CAMTA1: variants seen among roughly 807,000 people sequenced by gnomAD.
The protein encoded by CAMTA1 is calmodulin binding transcription activator 1, also known as calmodulin-binding transcription activator 1.
A neutral mutation model predicts 170.9 loss-of-function variants in CAMTA1; 27 were observed. The ratio of observed to expected loss-of-function variants is 0.16; its 90% CI spans 0.12 to 0.22. CAMTA1 has a LOEUF of 0.22. Among genes scored for constraint, CAMTA1 ranks in the 10% least tolerant of loss-of-function variants. The pLI is 1.00. For synonymous variants in CAMTA1, 833 were observed against 891.5 expected (o/e 0.93, Z 1.17); for missense variants, 1,619 against 2,217.2 (o/e 0.73, Z 5.42).
intron 5 of CAMTA1, among the ~76,000 whole-genome samples, chr1:7,372,962 G>A (rs2086588855): frequency 6.6e-6 from 1 of 152,234 alleles, no homozygotes; most frequent in African/African-American, 2.4e-5. Context: ...TGCTTCCACA[G>A]TGCCTTTACT....
At chr1:7,480,557 A>G (rs948890076) in intron 6 of CAMTA1, among the ~76,000 whole-genome samples, 2 of 151,754 alleles carry the variant, frequency 1.3e-5, no homozygotes, top group African/African-American at 4.8e-5. Flanking sequence ...GCCTTGCTAT[A>G]CCAGAAGGTC....
Position 7,746,013 on chromosome 1 carries a change from G to C in CAMTA1, c.4539G>C (p.Gln1513His). The C allele has an allele frequency of 1.2e-6, 2 of 1,614,200 alleles. No individual in the cohort carries two copies. The highest frequency in any genetic ancestry group is 1.7e-6 in the Non-Finnish European group (2 of 1,180,042). Residue 1513 changes from glutamine (Q) to histidine (H), a missense_variant, in exon 18 of 23, where the codon CAG (glutamine) becomes CAC (histidine). Around this residue, in one of 8 missense-constraint regions of CAMTA1, gnomAD observed 128 missense variants for 213.5 expected, o/e 0.60. Transcript: ENST00000303635. ...AGAAGGTAGAGAATGAGTTTGCTCA[G>C]CTCACTCTGTCTGATCATGAACAGA... ...TSEKVENEFAQLTLSDHEQRE... is the reference protein window; with the variant it reads ...TSEKVENEFAHLTLSDHEQRE...
chr1:7,188,042 C>A (rs1350347195), intron 4 of CAMTA1, among the ~76,000 whole-genome samples: 2 of 152,210 alleles, frequency 1.3e-5, no homozygotes, highest in African/African-American at 4.8e-5. Flanking sequence ...GGGAAACAGG[C>A]ACCTTCTTCA....
rs1218537891 is a variant in CAMTA1, at chr1:7,671,045, A to G, written c.2779+8A>G. ...TGCGCTGCTACTGCCCAGGTGAGAA[A>G]GCCGCCCCCCAGGCCCCCAAGGTGA... On this transcript the variant is annotated splice_region_variant and intron_variant, in intron 10 of 22. Transcript: ENST00000303635. The G allele has an allele frequency of 6.2e-7, 1 of 1,612,976 alleles. No homozygotes were observed. The highest frequency in any genetic ancestry group is 1.7e-5 in the Admixed American group (1 of 59,980).
chr1:7,640,164 G>T (rs887567894), intron 6 of CAMTA1, among the ~76,000 whole-genome samples: 2 of 152,172 alleles, frequency 1.3e-5, no homozygotes, highest in Non-Finnish European at 2.9e-5. Context: ...CACAGCCGGA[G>T]GGGGAGGGGC....
intron 3 of CAMTA1, among the ~76,000 whole-genome samples, chr1:6,837,416 G>T (rs1036719394): frequency 6.6e-6 from 1 of 152,138 alleles, no homozygotes; most frequent in African/African-American, 2.4e-5. Context: ...TTTTTAGGTG[G>T]TGCTGCAAAG....
intron 6 of CAMTA1, among the ~76,000 whole-genome samples, chr1:7,516,246 C>T (rs1487641564): frequency 6.6e-6 from 1 of 152,252 alleles, no homozygotes; most frequent in Non-Finnish European, 1.5e-5. Flanking sequence ...GATGTGTCCA[C>T]AGCTAATTAT....
chr1:7,373,405 T>C (rs2086624841), intron 5 of CAMTA1, among the ~76,000 whole-genome samples: 1 of 152,220 alleles, frequency 6.6e-6, no homozygotes, highest in Non-Finnish European at 1.5e-5. Context: ...TGCGACTGAA[T>C]GAAGTGAGAC....
chr1:7,761,298 A>G (rs1336382947), intron 22 of CAMTA1, among the ~76,000 whole-genome samples: 1 of 152,228 alleles, frequency 6.6e-6, no homozygotes, highest in Non-Finnish European at 1.5e-5. Flanking sequence ...GTGGCCGCAC[A>G]GCTCTCCTGA....
chr1:6,911,241 G>A (rs1381909914), intron 3 of CAMTA1, among the ~76,000 whole-genome samples: 1 of 152,158 alleles, frequency 6.6e-6, no homozygotes, highest in Non-Finnish European at 1.5e-5. Flanking sequence ...TGGCAGGCTG[G>A]CTCTGTGAGG....
intron 4 of CAMTA1, among the ~76,000 whole-genome samples, chr1:7,175,879 G>A (rs191765394): frequency 1.3e-5 from 2 of 152,312 alleles, no homozygotes; most frequent in African/African-American, 2.4e-5. Context: ...CTTTCCTGCC[G>A]ATTTACACTG....
intron 4 of CAMTA1, among the ~76,000 whole-genome samples, chr1:7,176,131 T>G (rs1159279679): frequency 6.6e-6 from 1 of 152,254 alleles, no homozygotes; most frequent in African/African-American, 2.4e-5. Context: ...AGATACCTCT[T>G]GATTCATGTT....
intron 5 of CAMTA1, among the ~76,000 whole-genome samples, chr1:7,298,333 C>T (rs941106486): frequency 0.11 from 8 of 72 alleles, no homozygotes; most frequent in Non-Finnish European, 0.19. Context: ...CCCCCCACCC[C>T]GCAGGTCTTT....
At chr1:7,446,497 C>A (rs74053280) in intron 5 of CAMTA1, among the ~76,000 whole-genome samples, 22 of 152,196 alleles carry the variant, frequency 1.4e-4, no homozygotes, top group African/African-American at 5.1e-4. Context: ...GCTGAGAGAC[C>A]GGGAGGGGAA....
chr1:7,201,712 C>T (rs931268698), intron 4 of CAMTA1, among the ~76,000 whole-genome samples: 1 of 152,098 alleles, frequency 6.6e-6, no homozygotes, highest in Non-Finnish European at 1.5e-5. Context: ...TATTCAGAGG[C>T]TTTGCCTATT....
At chr1:6,786,218 C>T (rs1639287419) in intron 1 of CAMTA1, among the ~76,000 whole-genome samples, 2 of 151,962 alleles carry the variant, frequency 1.3e-5, no homozygotes, top group African/African-American at 2.4e-5. Flanking sequence ...GCCGAGCGTC[C>T]CTCGGCCGAA....
At chr1:6,989,366 A>G (rs1236687706) in intron 3 of CAMTA1, among the ~76,000 whole-genome samples, 4 of 152,258 alleles carry the variant, frequency 2.6e-5, no homozygotes, top group South Asian at 2.1e-4. Flanking sequence ...AGCGATTTAC[A>G]TGCGCTCTGC....
At chr1:7,072,813 A>G (rs550033475) in intron 3 of CAMTA1, among the ~76,000 whole-genome samples, 3 of 152,374 alleles carry the variant, frequency 2.0e-5, no homozygotes, top group African/African-American at 7.2e-5. Flanking sequence ...GCCCTGGGGC[A>G]GGAGCCTGCT....
At position 7,732,620 on chromosome 1, in the gene CAMTA1, T is replaced by C; in HGVS notation, c.3066+21T>C. 1 of 1,563,794 alleles carries C rather than the reference T, an allele frequency of 6.4e-7. No homozygotes were observed. The highest frequency in any genetic ancestry group is 8.7e-7 in the Non-Finnish European group (1 of 1,154,638). ...CACAGGTACGAGGCGGTGCTGATGC[T>C]CAGCTCCCATTTCGCTTCATGTTTA... is the stretch of plus-strand genomic sequence containing the variant. On this transcript the variant is annotated intron_variant, in intron 12 of 22. Transcript: ENST00000303635. The surrounding 1 kb of genome is among the most constrained non-coding windows in gnomAD (Gnocchi z 4.1).
Sources: allele counts gnomAD v4.1 joint callset (sites outside exome capture counted in the v4.1 genomes callset), GRCh38; gene constraint gnomAD v4.1.1; regional missense constraint gnomAD v4.1.1; non-coding constraint Gnocchi (gnomAD v3.1); transcripts MANE v1.5; gene names NCBI Gene and HGNC (gene_info 2026-07-23, HGNC 2026-07-21).